Variants in HS6ST3 observed in about 807,000 individuals in gnomAD.
The protein encoded by HS6ST3 is heparan-sulfate 6-O-sulfotransferase 3.
A neutral mutation model predicts 36.7 loss-of-function variants in HS6ST3; 12 were observed. The observed-to-expected ratio is 0.33, with a 90% CI of 0.21 to 0.53. The LOEUF (loss-of-function observed/expected upper bound fraction) is 0.53. Ranked by LOEUF, HS6ST3 falls within the 20% of genes least tolerant of loss-of-function variation. HS6ST3 has a pLI of 0.95. For missense variants in HS6ST3, 584 were observed against 640.9 expected (o/e 0.91, Z 0.96); for synonymous variants, 240 against 257.5 (o/e 0.93, Z 0.65).
chr13:96,434,663 T>G (rs558860166), intron 1 of HS6ST3, among the ~76,000 whole-genome samples: 34 of 152,216 alleles, frequency 2.2e-4, no homozygotes, highest in African/African-American at 7.5e-4. Context: ...AGATCCAGGC[T>G]TCTCTCCCCA....
intron 1 of HS6ST3, among the ~76,000 whole-genome samples, chr13:96,809,081 A>G (rs1471080343): frequency 6.6e-6 from 1 of 152,212 alleles, no homozygotes; most frequent in Non-Finnish European, 1.5e-5. Flanking sequence ...ACTTCTAACC[A>G]TTTGAGCTAT....
intron 1 of HS6ST3, among the ~76,000 whole-genome samples, chr13:96,176,361 A>G (rs996828666): frequency 1.3e-5 from 2 of 152,220 alleles, no homozygotes; most frequent in African/African-American, 4.8e-5. Context: ...AGTTTATAGA[A>G]GTATTCTAGA....
At chr13:96,262,542 G>C (rs1313950974) in intron 1 of HS6ST3, among the ~76,000 whole-genome samples, 1 of 152,112 alleles carries the variant, frequency 6.6e-6, no homozygotes, top group Non-Finnish European at 1.5e-5. Flanking sequence ...TGAAAAATCA[G>C]ACAGTAAAAA....
chr13:96,564,377 G>A (rs2056273372), intron 1 of HS6ST3, among the ~76,000 whole-genome samples: 1 of 152,122 alleles, frequency 6.6e-6, no homozygotes, highest in Non-Finnish European at 1.5e-5. Context: ...GTCTTGGAAA[G>A]TACTTTTAAA....
chr13:96,430,998 C>T (rs1427690776), intron 1 of HS6ST3, among the ~76,000 whole-genome samples: 1 of 152,014 alleles, frequency 6.6e-6, no homozygotes, highest in Non-Finnish European at 1.5e-5. Context: ...CGCTTGAGGA[C>T]AGGAGTTTGA....
chr13:96,328,657 C>G (rs1320862248), intron 1 of HS6ST3, among the ~76,000 whole-genome samples: 2 of 151,868 alleles, frequency 1.3e-5, no homozygotes, highest in Admixed American at 6.6e-5. Context: ...TTGGTTGTGT[C>G]TCTGCCCGGC....
chr13:96,833,056 T>A lies in HS6ST3; in HGVS notation c.1274T>A (p.Leu425Gln). ...FQQRYHHTKQ[L>Q]EHQRDRQKRR... ...CAGCGCTACCACCACACCAAGCAGC[T>A]AGAGCACCAGAGGGACCGCCAGAAG... The change falls in exon 2 of 2, where the codon CTA becomes CAA. Residue 425 changes from leucine to glutamine, a missense_variant. Coordinates refer to ENST00000376705, the MANE Select transcript of HS6ST3 (RefSeq NM_153456.4). 1 of 1,613,256 alleles carries A rather than the reference T, an allele frequency of 6.2e-7. No homozygotes were observed. The highest frequency in any genetic ancestry group is 8.5e-7 in the Non-Finnish European group (1 of 1,180,008).
At chr13:96,258,112 C>T (rs1186222164) in intron 1 of HS6ST3, among the ~76,000 whole-genome samples, 1 of 152,140 alleles carries the variant, frequency 6.6e-6, no homozygotes, top group African/African-American at 2.4e-5. Flanking sequence ...AGCCTCAGGA[C>T]TTAGAAGTTC....
chr13:96,499,792 A>G (rs1187426190), intron 1 of HS6ST3, among the ~76,000 whole-genome samples: 1 of 152,082 alleles, frequency 6.6e-6, no homozygotes, highest in Non-Finnish European at 1.5e-5. Context: ...ATGAGGCCCA[A>G]GTGTGGGTGG....
intron 1 of HS6ST3, among the ~76,000 whole-genome samples, chr13:96,561,945 C>G (rs962522697): frequency 2.0e-5 from 3 of 152,142 alleles, no homozygotes; most frequent in African/African-American, 7.2e-5. Flanking sequence ...TAAATTAGTT[C>G]AGTCACTGTG....
chr13:96,444,142 T>C (rs530818023), intron 1 of HS6ST3, among the ~76,000 whole-genome samples: 2 of 152,360 alleles, frequency 1.3e-5, no homozygotes, highest in South Asian at 2.1e-4. Context: ...TCTTCTTTTA[T>C]TATAGATCCT....
intron 1 of HS6ST3, among the ~76,000 whole-genome samples, chr13:96,573,157 G>A (rs1168395408): frequency 6.6e-6 from 1 of 152,136 alleles, no homozygotes; most frequent in Admixed American, 6.5e-5. Flanking sequence ...CTACTTGGCT[G>A]GTAGACATTA....
chr13:96,765,588 TTCTCTCTCTCTCTCTCTC>T (rs58979172), intron 1 of HS6ST3, among the ~76,000 whole-genome samples: 4 of 142,594 alleles, frequency 2.8e-5, no homozygotes, highest in Admixed American at 7.1e-5. Context: ...CTCTCTCTCT[TTCTCTCTCTCTCTCTCTC>T]TCTCTCTCTC....
chr13:96,220,314 C>T (rs2054449193), intron 1 of HS6ST3, among the ~76,000 whole-genome samples: 1 of 152,080 alleles, frequency 6.6e-6, no homozygotes, highest in African/African-American at 2.4e-5. Context: ...TTTTTGTAAG[C>T]CCTTTATAAA....
At chr13:96,698,450 G>A (rs1013983388) in intron 1 of HS6ST3, among the ~76,000 whole-genome samples, 2 of 151,892 alleles carry the variant, frequency 1.3e-5, no homozygotes, top group African/African-American at 4.8e-5. Flanking sequence ...TATCATTGTT[G>A]GACATTTCCA....
At chr13:96,457,866 T>G (rs1380091606) in intron 1 of HS6ST3, among the ~76,000 whole-genome samples, 1 of 152,314 alleles carries the variant, frequency 6.6e-6, no homozygotes, top group East Asian at 1.9e-4. Context: ...TTCCTTTTTC[T>G]TCTTTTTTTA....
chr13:96,663,793 C>T (rs2056654594), intron 1 of HS6ST3, among the ~76,000 whole-genome samples: 1 of 151,974 alleles, frequency 6.6e-6, no homozygotes, highest in Admixed American at 6.6e-5. Context: ...TGCTCTTTGG[C>T]AATAAAAACA....
At chr13:96,563,392 G>A (rs1371512561) in intron 1 of HS6ST3, among the ~76,000 whole-genome samples, 2 of 152,296 alleles carry the variant, frequency 1.3e-5, no homozygotes, top group East Asian at 1.9e-4. Context: ...TAACAGAGTA[G>A]CAGGATTTGT....
At chr13:96,578,808 C>T (rs1441106079) in intron 1 of HS6ST3, among the ~76,000 whole-genome samples, 9 of 152,096 alleles carry the variant, frequency 5.9e-5, no homozygotes, top group African/African-American at 1.2e-4. Context: ...CATGAGCCAC[C>T]GGGCCCGGCC....
Sources: allele counts gnomAD v4.1 joint callset (sites outside exome capture counted in the v4.1 genomes callset), GRCh38; gene constraint gnomAD v4.1.1; transcripts MANE v1.5; gene names NCBI Gene and HGNC (gene_info 2026-07-23, HGNC 2026-07-21).